The following CCDC40 variants were observed in gnomAD, a reference collection of about 807,000 sequenced individuals.
CCDC40 encodes coiled-coil domain-containing protein 40.
Under a neutral mutation model 124.5 loss-of-function variants are expected in CCDC40, and 104 were observed. The observed-to-expected ratio is 0.84, with a 90% CI of 0.71 to 0.98. The LOEUF (loss-of-function observed/expected upper bound fraction) is 0.98. Among genes scored for constraint, CCDC40 ranks in the 50% least tolerant of loss-of-function variants. The probability of loss-of-function intolerance (pLI) is 0.00; values close to 1 mark genes in which losing one functional copy is unlikely to be tolerated. For missense variants in CCDC40, 1,463 were observed against 1,503.9 expected (o/e 0.97, Z 0.45); for synonymous variants, 580 against 602.9 (o/e 0.96, Z 0.56).
Position 80,056,012 on chromosome 17 carries a change from A to ATTTTTTTTT in CCDC40, c.1160-2481_1160-2480insTTTTTTTTT, listed in dbSNP as rs1278622929. On this transcript the variant is annotated intron_variant, in intron 7 of 19. Transcript: ENST00000397545. ...TATATATATATATATATATATATAT[A>ATTTTTTTTT]TATATTTTTTTTTTTTTTTGGTAGA... 4.4e-3 allele frequency among the ~76,000 whole-genome samples: 62 copies of ATTTTTTTTT among 14,130 alleles called. 3 individuals are homozygous for ATTTTTTTTT. The highest frequency in any genetic ancestry group is 0.012 in the East Asian group (4 of 332). 9.3% of individuals were successfully genotyped at this position (14,130 alleles called of 152,430 possible).
At chr17:80,038,266 C>G (rs2037180916) in intron 2 of CCDC40, 80 bp downstream of exon 2, 1 of 978,686 alleles carries the variant, frequency 1.0e-6, no homozygotes, top group African/African-American at 1.6e-5. Context: ...CACTGTGGCT[C>G]ACGCCTGTAA....
chr17:80,081,757 G>A lies in CCDC40; in HGVS notation c.1774G>A (p.Asp592Asn). Residue 592 changes from aspartate to asparagine, a missense_variant, in exon 11 of 20, where the codon GAC becomes AAC. Asp to Asn is a conservative substitution (Grantham distance 23). Transcript: ENST00000397545. ...QFNTYRLTLQDTEDALSQDQL... is the reference protein window; with the variant it reads ...QFNTYRLTLQNTEDALSQDQL... The stretch of plus-strand genomic sequence containing the variant: ...CAATACCTACAGGCTCACCCTGCAG[G>A]ACACAGAGGATGCCCTCAGCCAGGA... The A allele has an allele frequency of 6.2e-7, 1 of 1,614,022 alleles. No homozygotes were observed. Among genetic ancestry groups the A allele is most frequent in the Non-Finnish European group, 8.5e-7 (1 of 1,180,030 alleles).
At position 80,054,251 on chromosome 17, in the gene CCDC40, A is replaced by G. The variant is rs558698932; in HGVS notation, c.1159+3968A>G. Among the ~76,000 whole-genome samples the G allele has an allele frequency of 5.3e-5, 8 of 152,200 alleles. No individual in the cohort carries two copies. The South Asian group carries it at 1.2e-3, about 24-fold the overall frequency. On this transcript the variant is annotated intron_variant, in intron 7 of 19. Transcript: ENST00000397545. Reference sequence around the variant, plus strand: ...AGTAACAGTGTTGGGAATGAGGACAACTTGGGGGAGGGTTTTTTTTGTTTT... The same window carrying G: ...AGTAACAGTGTTGGGAATGAGGACAGCTTGGGGGAGGGTTTTTTTTGTTTT...
intron 2 of CCDC40, 54 bp downstream of exon 2, chr17:80,038,240 A>C: frequency 8.0e-7 from 1 of 1,246,738 alleles, no homozygotes; most frequent in Non-Finnish European, 1.2e-6. Context: ...GGAATTAAAG[A>C]GAATCAGAGT....
At chr17:80,081,410 A>ATAAATAAATAAATAAATAAATAAT in intron 10 of CCDC40, 136 bp from the exon 11 acceptor site, 1 of 671,786 alleles carries the variant, frequency 1.5e-6, no homozygotes, top group Non-Finnish European at 2.5e-6. Flanking sequence ...AAATAAATAA[A>ATAAATAAATAAATAAATAAATAAT]TAAGAGTTGG....
chr17:80,040,552 G>A (rs140819206), intron 3 of CCDC40: 626 of 433,260 alleles, frequency 1.4e-3, no homozygotes, highest in Non-Finnish European at 2.3e-3. Context: ...GGTGGCGCAC[G>A]CCTGTAATCC....
At chr17:80,052,662 C>A (rs1206035824) in intron 7 of CCDC40, among the ~76,000 whole-genome samples, 2 of 152,198 alleles carry the variant, frequency 1.3e-5, no homozygotes, top group African/African-American at 4.8e-5. Flanking sequence ...GACAGACAGG[C>A]AAACCCAGCC....
chr17:80,079,346 C>G (rs2038391644), intron 10 of CCDC40, among the ~76,000 whole-genome samples: 1 of 152,104 alleles, frequency 6.6e-6, no homozygotes, highest in Admixed American at 6.6e-5. Context: ...CATACATATG[C>G]ATTATTCTCG....
In CCDC40 at chr17:80,055,981, C is replaced by CAT. The variant is rs1164782051; in HGVS notation, c.1160-2478_1160-2477dup. ...CACACCACCAGGCCTGGCTAATTTTCATATATATATATATATATATATATA... is the reference window on the plus strand; with the variant it reads ...CACACCACCAGGCCTGGCTAATTTTCATATATATATATATATATATATATATA... On this transcript the variant is annotated intron_variant, in intron 7 of 19. Coordinates refer to ENST00000397545, the MANE Select transcript of CCDC40 (RefSeq NM_017950.4). 6.1e-4 allele frequency among the ~76,000 whole-genome samples: 16 copies of CAT among 26,100 alleles called. 5 individuals carry two copies. The South Asian group carries it at 0.035, about 57-fold the overall frequency. The allele number at this position is 26,100 out of a possible 152,430, so 17.1% of individuals were successfully genotyped here.
At chr17:80,041,379 A>C (rs1370631827) in intron 3 of CCDC40, among the ~76,000 whole-genome samples, 1 of 152,074 alleles carries the variant, frequency 6.6e-6, no homozygotes, top group African/African-American at 2.4e-5. Flanking sequence ...GTGGTGGTGC[A>C]CACCTGTAAT....
rs762494881 is a variant in CCDC40, at chr17:80,065,617, G to A, written c.1562+11G>A. 4 of 1,611,672 alleles carry A rather than the reference G, an allele frequency of 2.5e-6. No homozygotes were observed. In the South Asian group the frequency reaches 4.4e-5, roughly 18 times the overall value. On this transcript the variant is annotated intron_variant, in intron 10 of 19. Transcript: ENST00000397545. ...GCTGGAGGCGCTCAGGTACTGCAGGGCCACAGGCAGCGAGGATGTGCGGGA... is the reference window on the plus strand; with the variant it reads ...GCTGGAGGCGCTCAGGTACTGCAGGACCACAGGCAGCGAGGATGTGCGGGA...
chr17:80,046,532 CAATAATAAT>C (rs60431250), intron 3 of CCDC40, among the ~76,000 whole-genome samples: 1 of 147,382 alleles, frequency 6.8e-6, no homozygotes, highest in South Asian at 2.2e-4. Context: ...GACCCTTACT[CAATAATAAT>C]AATAATAATA....
intron 17 of CCDC40, chr17:80,090,972 G>C (rs1234236182): frequency 3.6e-6 from 1 of 281,020 alleles, no homozygotes; most frequent in Non-Finnish European, 5.4e-6. Flanking sequence ...ACAGAGTGGG[G>C]GCCAAAGAGA....
At chr17:80,051,255 C>T (rs1416091065) in intron 7 of CCDC40, 2 of 943,392 alleles carry the variant, frequency 2.1e-6, no homozygotes, top group Non-Finnish European at 2.5e-6. Context: ...CCCAGCTGTT[C>T]TGGAAAGAAA....
intron 10 of CCDC40, among the ~76,000 whole-genome samples, chr17:80,070,045 G>T (rs1447564634): frequency 6.6e-6 from 1 of 152,244 alleles, no homozygotes; most frequent in East Asian, 1.9e-4. Context: ...CAAGCCCCAG[G>T]CTCAGCTCGG....
chr17:80,065,651 G>T (rs1247368960), intron 10 of CCDC40, 45 bp downstream of exon 10: 1 of 1,609,076 alleles, frequency 6.2e-7, no homozygotes, highest in African/African-American at 1.3e-5. Flanking sequence ...GAACCCCAGG[G>T]GTCCGTGGCA....
intron 4 of CCDC40, among the ~76,000 whole-genome samples, chr17:80,048,078 G>T (rs895295113): frequency 3.3e-5 from 5 of 152,168 alleles, no homozygotes; most frequent in African/African-American, 1.2e-4. Flanking sequence ...GGCCAACATG[G>T]TGAAACCCCT....
chr17:80,045,981 G>T (rs11650121), intron 3 of CCDC40, among the ~76,000 whole-genome samples: 51,014 of 151,762 alleles, frequency 0.34, 11,043 homozygotes, highest in African/African-American at 0.62. Context: ...CATTTTTCCT[G>T]TGTCAACTTT....
At chr17:80,089,630 C>A in intron 16 of CCDC40, 134 bp from the exon 17 acceptor site, 1 of 1,087,098 alleles carries the variant, frequency 9.2e-7, no homozygotes, top group Non-Finnish European at 1.4e-6. Context: ...GCTTTGAGAG[C>A]CTCACGCTTT....
Sources: gnomAD v4.1 joint callset for allele counts (sites outside exome capture counted in the v4.1 genomes callset) on GRCh38, gnomAD v4.1.1 for gene constraint, MANE v1.5 for transcripts, NCBI Gene and HGNC (gene_info 2026-07-23, HGNC 2026-07-21) for gene names.